Variants in TGFBR2 observed in about 807,000 individuals in gnomAD.
The protein encoded by TGFBR2 is TGF-beta receptor type-2.
TGFBR2 carries 18 observed loss-of-function variants against 49.0 expected under a neutral mutation model. The ratio of observed to expected loss-of-function variants is 0.37; its 90% CI spans 0.25 to 0.54. TGFBR2 has a LOEUF of 0.54. Among genes scored for constraint, TGFBR2 ranks in the 20% least tolerant of loss-of-function variants. The pLI is 0.85. For synonymous variants in TGFBR2, 282 were observed against 275.9 expected, an observed-to-expected ratio of 1.02 and a Z score of -0.22; for missense variants, 525 against 722.6, an observed-to-expected ratio of 0.73 and a Z score of 3.13.
chr3:30,645,155 T>A (rs1155707), intron 2 of TGFBR2, among the ~76,000 whole-genome samples: 15 of 151,596 alleles, frequency 9.9e-5, no homozygotes, highest in Non-Finnish European at 2.1e-4. Context: ...TCATGATAAA[T>A]GTAAAGATCA....
intron 1 of TGFBR2, among the ~76,000 whole-genome samples, chr3:30,628,326 G>C (rs1408708867): frequency 2.0e-5 from 3 of 151,828 alleles, no homozygotes; most frequent in Non-Finnish European, 4.4e-5. Context: ...GCCCTGAAGG[G>C]ATGCTTTTAA....
chr3:30,647,127 G>A (rs539084714), intron 2 of TGFBR2, among the ~76,000 whole-genome samples: 3 of 152,266 alleles, frequency 2.0e-5, no homozygotes, highest in Non-Finnish European at 4.4e-5. Context: ...AGTGTTGGCT[G>A]TTGAAGGATC....
intron 1 of TGFBR2, among the ~76,000 whole-genome samples, chr3:30,629,857 C>T (rs1028586458): frequency 1.3e-5 from 2 of 152,136 alleles, no homozygotes; most frequent in African/African-American, 4.8e-5. Flanking sequence ...TCAAGAATGG[C>T]ATCTTTGATA....
chr3:30,659,526 G>A (rs1231302031), intron 3 of TGFBR2, among the ~76,000 whole-genome samples: 2 of 151,838 alleles, frequency 1.3e-5, no homozygotes, highest in East Asian at 1.9e-4. Context: ...AAAGCAACTC[G>A]CTTTTCAAGA....
At position 30,681,343 on chromosome 3, in the gene TGFBR2, G is replaced by A. The variant is rs189516538; in HGVS notation, c.1397-7041G>A. 9.9e-5 allele frequency among the ~76,000 whole-genome samples: 15 copies of A among 152,130 alleles called. No individual in the cohort carries two copies. The East Asian group carries it at 2.9e-3, about 30-fold the overall frequency. ...GGAAAGCAGATATGAAAACTCGGGG[G>A]TACTGCTTTGGGGAAAACCATCAAC... On this transcript the variant is annotated intron_variant, in intron 5 of 6. Transcript: ENST00000295754.
chr3:30,682,944 A>G (rs3773658), intron 5 of TGFBR2, among the ~76,000 whole-genome samples: 19,004 of 152,180 alleles, frequency 0.12, 1,325 homozygotes, highest in East Asian at 0.32. Context: ...TGCTCTGGTT[A>G]GGGGAGAAAT....
intron 1 of TGFBR2, among the ~76,000 whole-genome samples, chr3:30,634,521 G>T (rs557072265): frequency 1.3e-5 from 2 of 152,162 alleles, no homozygotes; most frequent in South Asian, 4.2e-4. Flanking sequence ...TAAATATGAG[G>T]GCTGTCAGAA....
chr3:30,693,064 T>C lies in TGFBR2; in HGVS notation c.*1465T>C, dbSNP rs1171877784. ...CATTCTCTGGGTATATAATATGATT[T>C]TGACTACCTTATCTGGTGTTAAGAT... On this transcript the variant is annotated 3_prime_UTR_variant, in exon 7 of 7. Transcript: ENST00000295754. 2.1e-5 allele frequency: 5 copies of C among 233,316 alleles called. No homozygotes were observed. The highest frequency in any genetic ancestry group is 1.3e-3 in the Middle Eastern group (1 of 786). The allele number at this position is 233,316 out of a possible 1,614,324, so 14.5% of individuals were successfully genotyped here. A position where few individuals can be genotyped will look rare whatever the true frequency, so the allele number is the denominator to read the frequency against.
chr3:30,640,980 G>A (rs539152426), intron 1 of TGFBR2, among the ~76,000 whole-genome samples: 3 of 152,244 alleles, frequency 2.0e-5, no homozygotes, highest in East Asian at 1.9e-4. Flanking sequence ...ATCTGAGGTC[G>A]TGGCTGGTAA....
intron 5 of TGFBR2, among the ~76,000 whole-genome samples, chr3:30,687,795 A>G (rs1380484755): frequency 2.0e-5 from 3 of 152,142 alleles, no homozygotes; most frequent in Admixed American, 1.3e-4. Context: ...CTCTGAATAT[A>G]CCTGTACAAG....
chr3:30,664,655 TGCGCACACACATGCACACGCGCGTGC>T (rs1183153775), intron 3 of TGFBR2, among the ~76,000 whole-genome samples: 1 of 152,232 alleles, frequency 6.6e-6, no homozygotes, highest in Non-Finnish European at 1.5e-5. Context: ...AGTATGCATG[TGCGCACACACATGCACACGCGCGTGC>T]GCGCACACAC....
chr3:30,638,196 C>A (rs1209908314), intron 1 of TGFBR2, among the ~76,000 whole-genome samples: 3 of 152,072 alleles, frequency 2.0e-5, no homozygotes, highest in Non-Finnish European at 4.4e-5. Context: ...TTATTTGTTT[C>A]CAATAAGCAT....
At chr3:30,631,505 A>C (rs952571024) in intron 1 of TGFBR2, among the ~76,000 whole-genome samples, 5 of 152,102 alleles carry the variant, frequency 3.3e-5, no homozygotes, top group African/African-American at 1.2e-4. Flanking sequence ...ATCTAACTGC[A>C]CTGTGAGAAA....
At chr3:30,646,814 T>C (rs1349448503) in intron 2 of TGFBR2, among the ~76,000 whole-genome samples, 1 of 152,136 alleles carries the variant, frequency 6.6e-6, no homozygotes, top group Non-Finnish European at 1.5e-5. Context: ...CTCTTTTAAT[T>C]AAGATTTTTG....
chr3:30,610,123 A>G (rs140956761), intron 1 of TGFBR2, among the ~76,000 whole-genome samples: 13 of 152,312 alleles, frequency 8.5e-5, no homozygotes, highest in Admixed American at 4.6e-4. Flanking sequence ...AACCATATTT[A>G]TTGAGTATCT....
intron 3 of TGFBR2, among the ~76,000 whole-genome samples, chr3:30,652,694 A>C (rs898190696): frequency 6.6e-6 from 1 of 152,224 alleles, no homozygotes; most frequent in African/African-American, 2.4e-5. Context: ...AATCTCTGAC[A>C]GTAGAATACC....
intron 5 of TGFBR2, among the ~76,000 whole-genome samples, chr3:30,685,479 A>G (rs1384186888): frequency 2.0e-5 from 3 of 152,214 alleles, no homozygotes; most frequent in African/African-American, 7.2e-5. Context: ...ATTGAGGATA[A>G]GCTCTCATGA....
chr3:30,678,703 G>A (rs1350291704), intron 5 of TGFBR2, among the ~76,000 whole-genome samples: 1 of 152,024 alleles, frequency 6.6e-6, no homozygotes, highest in Non-Finnish European at 1.5e-5. Flanking sequence ...GGATTTCTCG[G>A]GATGACTGCC....
chr3:30,682,911 C>G (rs1699562443), intron 5 of TGFBR2, among the ~76,000 whole-genome samples: 1 of 152,176 alleles, frequency 6.6e-6, no homozygotes, highest in African/African-American at 2.4e-5. Flanking sequence ...CATGTTCATA[C>G]CAGGGACTGC....
Sources: allele counts gnomAD v4.1 joint callset (sites outside exome capture counted in the v4.1 genomes callset), GRCh38; gene constraint gnomAD v4.1.1; transcripts MANE v1.5; gene names NCBI Gene and HGNC (gene_info 2026-07-23, HGNC 2026-07-21).